C1QTNF4: variants seen among roughly 807,000 people sequenced by gnomAD.
The protein encoded by C1QTNF4 is C1q and TNF related 4, also known as complement C1q tumor necrosis factor-related protein 4.
Under a neutral mutation model 14.6 loss-of-function variants are expected in C1QTNF4, and 12 were observed. That is an observed-to-expected ratio of 0.82 (90% confidence interval 0.53 to 1.33). The LOEUF (loss-of-function observed/expected upper bound fraction) is 1.33, where lower values mean the gene tolerates loss of function less well. C1QTNF4 is among the 40% of genes most tolerant of loss of function. The pLI, the probability that C1QTNF4 is intolerant of heterozygous loss-of-function variation, is 0.00. For missense variants in C1QTNF4, 558 were observed against 500.3 expected, an observed-to-expected ratio of 1.12 and a Z score of -1.10; for synonymous variants, 278 against 246.6, an observed-to-expected ratio of 1.13 and a Z score of -1.19.
chr11:47,593,646 G>A (rs2097276628), intron 1 of C1QTNF4, among the ~76,000 whole-genome samples: 1 of 152,152 alleles, frequency 6.6e-6, no homozygotes, highest in Non-Finnish European at 1.5e-5. Flanking sequence ...TCAGGTGGGT[G>A]TCATAGCTCC....
chr11:47,590,387 A>T lies in C1QTNF4; in HGVS notation c.424T>A (p.Tyr142Asn), dbSNP rs1015109086. 6.8e-7 allele frequency: 1 copy of T among 1,463,024 alleles called. No individual in the cohort carries two copies. The highest frequency in any genetic ancestry group is 2.6e-5 in the East Asian group (1 of 38,698). The allele number at this position is 1,463,024 out of a possible 1,614,324, so 90.6% of individuals were successfully genotyped here. The change falls in exon 2 of 2, where the codon TAC becomes AAC. Residue 142 changes from tyrosine (Y) to asparagine (N), a missense_variant. Tyr to Asn is a moderately radical substitution (Grantham distance 143, BLOSUM62 -2). Coordinates refer to ENST00000302514, the MANE Select transcript of C1QTNF4 (RefSeq NM_031909.3). ...VWLRLHGAPQ[Y>N]ALGAPGATFS... ...GTGGCGCCGGGCGCGCCTAGCGCGT[A>T]CTGCGGGGCGCCATGCAGCCGCAGC...
Position 47,590,291 on chromosome 11 carries a change from C to T in C1QTNF4, c.520G>A (p.Glu174Lys). 4.3e-6 allele frequency: 5 copies of T among 1,163,414 alleles called. No homozygotes were observed. The highest frequency in any genetic ancestry group is 5.3e-6 in the Non-Finnish European group (5 of 942,080). The allele number at this position is 1,163,414 out of a possible 1,614,324, so 72.1% of individuals were successfully genotyped here. A position where few individuals can be genotyped will look rare whatever the true frequency, so the allele number is the denominator to read the frequency against. ...APARGPPAPP[E>K]PRSAFSAART... ...GCCGCCGAGAAGGCCGAGCGCGGCT[C>T]GGGGGGCGCGGGCGGCCCGCGCGCA... is the stretch of plus-strand genomic sequence containing the variant. The change falls in exon 2 of 2, where the codon GAG (glutamate) becomes AAG (lysine). Residue 174 changes from glutamate (E) to lysine (K), a missense_variant. Coordinates refer to ENST00000302514, the MANE Select transcript of C1QTNF4 (RefSeq NM_031909.3).
At chr11:47,592,022 T>C (rs1318480174) in intron 1 of C1QTNF4, among the ~76,000 whole-genome samples, 2 of 152,220 alleles carry the variant, frequency 1.3e-5, no homozygotes, top group Admixed American at 6.5e-5. Context: ...CCAGGGGCCC[T>C]TCCTGCACAG....
chr11:47,590,997 G>A (rs1179723575), intron 1 of C1QTNF4, among the ~76,000 whole-genome samples, 182 bp from the exon 2 acceptor site: 1 of 152,204 alleles, frequency 6.6e-6, no homozygotes, highest in Non-Finnish European at 1.5e-5. Context: ...CTTGGAGGGC[G>A]TGTTCAAACA....
chr11:47,593,979 C>G (rs1459009545), intron 1 of C1QTNF4, among the ~76,000 whole-genome samples, 169 bp downstream of exon 1: 2 of 152,166 alleles, frequency 1.3e-5, no homozygotes, highest in Non-Finnish European at 1.5e-5. Context: ...CCGAGACCTT[C>G]CCTCCATCCA....
At position 47,590,612 on chromosome 11, in the gene C1QTNF4, G is replaced by T; in HGVS notation, c.199C>A (p.Gln67Lys). ...IGGDFDVATG[Q>K]FRCRVPGAYF... ...GCGCCGGGCACGCGGCAGCGAAACT[G>T]GCCGGTGGCCACATCGAAGTCGCCC... Residue 67 changes from glutamine to lysine, a missense_variant, in exon 2 of 2, where the codon CAG becomes AAG. Transcript: ENST00000302514. The T allele has an allele frequency of 6.8e-6, 11 of 1,609,602 alleles. No individual in the cohort carries two copies. Among genetic ancestry groups the T allele is most frequent in the Non-Finnish European group, 9.3e-6 (11 of 1,178,756 alleles).
rs1196345556 is a variant in C1QTNF4 at position 47,590,236 on chromosome 11, G to C, written c.575C>G (p.Ala192Gly). ...ARTRSLVGSD[A>G]GPGPRHQPLA... is the part of the protein sequence containing the mutation. The stretch of plus-strand genomic sequence containing the variant: ...TGGTTGGTGCCGCGGCCCGGGGCCA[G>C]CGTCCGAGCCCACCAAGCTGCGCGT... Residue 192 changes from alanine (A) to glycine (G), a missense_variant, in exon 2 of 2, where the codon GCT becomes GGT. Coordinates refer to ENST00000302514, the MANE Select transcript of C1QTNF4 (RefSeq NM_031909.3). The C allele has an allele frequency of 1.3e-6, 2 of 1,511,716 alleles. No individual in the cohort carries two copies. Among genetic ancestry groups the C allele is most frequent in the South Asian group, 1.3e-5 (1 of 77,256 alleles). The allele number at this position is 1,511,716 out of a possible 1,614,324, so 93.6% of individuals were successfully genotyped here. A position where few individuals can be genotyped will look rare whatever the true frequency, so the allele number is the denominator to read the frequency against.
rs1234600976 is a variant in C1QTNF4, at chr11:47,590,467, C to T, written c.344G>A (p.Arg115Gln). 1.1e-5 allele frequency: 17 copies of T among 1,526,230 alleles called. No homozygotes were observed. The East Asian group carries it at 1.5e-4, about 13-fold the overall frequency. The allele number at this position is 1,526,230 out of a possible 1,614,324, so 94.5% of individuals were successfully genotyped here. A position where few individuals can be genotyped will look rare whatever the true frequency, so the allele number is the denominator to read the frequency against. The change falls in exon 2 of 2, where the codon CGG becomes CAG. Residue 115 changes from arginine to glutamine, a missense_variant. Physicochemically the swap from Arg to Gln is conservative, Grantham distance 43. Coordinates refer to ENST00000302514, the MANE Select transcript of C1QTNF4 (RefSeq NM_031909.3). The part of the protein sequence containing the change: ...AFDEQRRPGA[R>Q]RAASQSAMLQ... ...CATGGCGCTCTGGCTGGCTGCGCGCCGCGCGCCTGGCCGCCGCTGCTCGTC... is the reference window on the plus strand; with the variant it reads ...CATGGCGCTCTGGCTGGCTGCGCGCTGCGCGCCTGGCCGCCGCTGCTCGTC...
chr11:47,590,396 C>T lies in C1QTNF4; in HGVS notation c.415G>A (p.Ala139Thr), dbSNP rs1227920117. 5.4e-6 allele frequency: 8 copies of T among 1,474,300 alleles called. No homozygotes were observed. The South Asian group carries it at 6.6e-5, about 12-fold the overall frequency. The allele number at this position is 1,474,300 out of a possible 1,614,324, so 91.3% of individuals were successfully genotyped here. A position where few individuals can be genotyped will look rare whatever the true frequency, so the allele number is the denominator to read the frequency against. Residue 139 changes from alanine to threonine, a missense_variant, in exon 2 of 2, where the codon GCC (alanine) becomes ACC (threonine). Ala to Thr is a moderately conservative substitution (Grantham distance 58). Coordinates refer to ENST00000302514, the MANE Select transcript of C1QTNF4 (RefSeq NM_031909.3). ...GDTVWLRLHGAPQYALGAPGA... is the reference protein window; with the variant it reads ...GDTVWLRLHGTPQYALGAPGA... The stretch of plus-strand genomic sequence containing the variant: ...GGCGCGCCTAGCGCGTACTGCGGGG[C>T]GCCATGCAGCCGCAGCCACACTGTG...
chr11:47,590,595 C>T lies in C1QTNF4; in HGVS notation c.216G>A (p.Val72=), dbSNP rs759932330. 3.1e-6 allele frequency: 5 copies of T among 1,606,508 alleles called. No homozygotes were observed. Among genetic ancestry groups the T allele is most frequent in the South Asian group, 1.1e-5 (1 of 89,888 alleles). ...TGAAGGAGAAGAAGTAGGCGCCGGG[C>T]ACGCGGCAGCGAAACTGGCCGGTGG... The part of the protein sequence containing the change: ...DVATGQFRCR[V]PGAYFFSFTA... The change falls in exon 2 of 2, where the codon GTG becomes GTA. Residue 72 remains valine, a synonymous_variant. Transcript: ENST00000302514.
Position 47,589,971 on chromosome 11 carries a change from G to T in C1QTNF4, c.840C>A (p.Arg280=), listed in dbSNP as rs202156683. Residue 280 remains arginine (R), a synonymous_variant, in exon 2 of 2, where the codon CGC becomes CGA. Transcript: ENST00000302514. ...GGCTGAGCAGCCAGACGGCGTCGCC[G>T]CGCCGCAGGGCCAGCATCACGCTCT... ...QSQSVMLALR[R]GDAVWLLSHD... The T allele has an allele frequency of 2.2e-5, 36 of 1,610,854 alleles. No homozygotes were observed. The Admixed American group carries it at 4.9e-4, about 22-fold the overall frequency.
In C1QTNF4 at chr11:47,589,770, G is replaced by A. The variant is rs1300084258; in HGVS notation, c.*51C>T. The A allele has an allele frequency of 9.8e-6, 14 of 1,427,708 alleles. No homozygotes were observed. Among genetic ancestry groups the A allele is most frequent in the Non-Finnish European group, 1.8e-6 (2 of 1,087,112 alleles). 88.4% of individuals were successfully genotyped at this position (1,427,708 alleles called of 1,614,324 possible). A position where few individuals can be genotyped will look rare whatever the true frequency, so the allele number is the denominator to read the frequency against. ...CGCGGGACTTTCGAGCCTCCGGCCC[G>A]GCCTGGCATGCACGCCCCTGGCCCT... On this transcript the variant is annotated 3_prime_UTR_variant, in exon 2 of 2. Coordinates refer to ENST00000302514, the MANE Select transcript of C1QTNF4 (RefSeq NM_031909.3).
rs2097274507 is a variant in C1QTNF4, at chr11:47,590,210, G to GTGGT, written c.597_600dup (p.Leu201ThrfsTer42). ...TTGACGAACTCGGTGTCGAAGGCGA[G>GTGGT]TGGTTGGTGCCGCGGCCCGGGGCCA... On this transcript the variant is annotated frameshift_variant, in exon 2 of 2. Transcript: ENST00000302514. LOFTEE classifies it high-confidence loss of function. 6.3e-7 allele frequency: 1 copy of GTGGT among 1,575,700 alleles called. No individual in the cohort carries two copies. Among genetic ancestry groups the GTGGT allele is most frequent in the African/African-American group, 1.4e-5 (1 of 73,622 alleles).
chr11:47,590,371 G>A lies in C1QTNF4; in HGVS notation c.440C>T (p.Pro147Leu). 3 of 1,390,528 alleles carry A rather than the reference G, an allele frequency of 2.2e-6. No individual in the cohort carries two copies. The highest frequency in any genetic ancestry group is 2.8e-6 in the Non-Finnish European group (3 of 1,082,032). The allele number at this position is 1,390,528 out of a possible 1,614,324, so 86.1% of individuals were successfully genotyped here. ...TAGGTAGCCGCTGAAGGTGGCGCCG[G>A]GCGCGCCTAGCGCGTACTGCGGGGC... is the stretch of plus-strand genomic sequence containing the variant. Reference protein sequence around the residue: ...HGAPQYALGAPGATFSGYLVY... With the variant: ...HGAPQYALGALGATFSGYLVY... Residue 147 changes from proline (P) to leucine (L), a missense_variant, in exon 2 of 2, where the codon CCC becomes CTC. By Grantham distance (98) the Pro-to-Leu change is moderately conservative. Transcript: ENST00000302514.
intron 1 of C1QTNF4, among the ~76,000 whole-genome samples, chr11:47,591,070 C>T (rs2097275378): frequency 6.6e-6 from 1 of 152,154 alleles, no homozygotes; most frequent in Non-Finnish European, 1.5e-5. Context: ...TGATAATTTG[C>T]ATTTCTTTGT....
Position 47,589,869 on chromosome 11 carries a change from G to A in C1QTNF4, c.942C>T (p.Asp314=). The A allele has an allele frequency of 1.9e-6, 3 of 1,553,892 alleles. No homozygotes were observed. Among genetic ancestry groups the A allele is most frequent in the East Asian group, 2.4e-5 (1 of 40,882 alleles). ...GGCCCGGCGGGGCGGCGGGGGCGAG[G>A]TCGGGGTACACCAGGAAGCCGGAGA... ...ITFSGFLVYP[D]LAPAAPPGLG... The change falls in exon 2 of 2, where the codon GAC becomes GAT. Residue 314 remains aspartate, a synonymous_variant. Coordinates refer to ENST00000302514, the MANE Select transcript of C1QTNF4 (RefSeq NM_031909.3).
rs1339275471 is a variant in C1QTNF4 at position 47,590,567 on chromosome 11, C to T, written c.244G>A (p.Ala82Thr). 1.3e-6 allele frequency: 2 copies of T among 1,598,806 alleles called. No individual in the cohort carries two copies. The highest frequency in any genetic ancestry group is 1.7e-5 in the Admixed American group (1 of 58,782). The part of the protein sequence containing the change: ...VPGAYFFSFT[A>T]GKAPHKSLSV... ...AGGCTCTTGTGCGGGGCCTTGCCAG[C>T]CGTGAAGGAGAAGAAGTAGGCGCCG... Residue 82 changes from alanine (A) to threonine (T), a missense_variant, in exon 2 of 2, where the codon GCT becomes ACT. Physicochemically the swap from Ala to Thr is moderately conservative, Grantham distance 58. Coordinates refer to ENST00000302514, the MANE Select transcript of C1QTNF4 (RefSeq NM_031909.3).
chr11:47,590,169 G>A lies in C1QTNF4; in HGVS notation c.642C>T (p.Phe214=), dbSNP rs899273211. The part of the protein sequence containing the change: ...DTEFVNIGGD[F]DAAAGVFRCR... ...AGCGGAACACGCCGGCCGCCGCGTC[G>A]AAGTCGCCGCCAATGTTGACGAACT... The change falls in exon 2 of 2, where the codon TTC becomes TTT. Residue 214 remains phenylalanine (F), a synonymous_variant. Coordinates refer to ENST00000302514, the MANE Select transcript of C1QTNF4 (RefSeq NM_031909.3). 1.2e-6 allele frequency: 2 copies of A among 1,601,126 alleles called. No individual in the cohort carries two copies. Among genetic ancestry groups the A allele is most frequent in the Admixed American group, 3.4e-5 (2 of 58,154 alleles).
chr11:47,590,743 G>A lies in C1QTNF4; in HGVS notation c.68C>T (p.Pro23Leu), dbSNP rs778095508. 1.9e-6 allele frequency: 3 copies of A among 1,603,008 alleles called. No homozygotes were observed. Among genetic ancestry groups the A allele is most frequent in the Admixed American group, 1.7e-5 (1 of 58,774 alleles). The change falls in exon 2 of 2, where the codon CCG (proline) becomes CTG (leucine). Residue 23 changes from proline (P) to leucine (L), a missense_variant. Coordinates refer to ENST00000302514, the MANE Select transcript of C1QTNF4 (RefSeq NM_031909.3). ...ACWALGPTPGPGSSELRSAFS... is the reference protein window; with the variant it reads ...ACWALGPTPGLGSSELRSAFS... ...GGCCGAGCGCAGCTCAGAGGATCCC[G>A]GGCCGGGGGTCGGGCCCAGGGCCCA...
Sources: allele counts gnomAD v4.1 joint callset (sites outside exome capture counted in the v4.1 genomes callset), GRCh38; gene constraint gnomAD v4.1.1; transcripts MANE v1.5; gene names NCBI Gene and HGNC (gene_info 2026-07-23, HGNC 2026-07-21).